Variants in DPH6 observed in about 807,000 individuals in gnomAD.
DPH6 encodes the protein diphthamine biosynthesis 6, also known as diphthine--ammonia ligase.
A neutral mutation model predicts 38.2 loss-of-function variants in DPH6; 33 were observed. That is an observed-to-expected ratio of 0.86 (90% CI 0.65 to 1.15). The LOEUF (loss-of-function observed/expected upper bound fraction) is 1.15. Ranked by LOEUF, DPH6 falls within the 50% of genes most tolerant of loss-of-function variation. The pLI, the probability that DPH6 is intolerant of heterozygous loss-of-function variation, is 0.00. For missense variants in DPH6, 325 were observed against 320.0 expected (o/e 1.02, Z -0.12); for synonymous variants, 108 against 103.0 (o/e 1.05, Z -0.30).
At chr15:35,492,231 G>A (rs1186265444) in intron 3 of DPH6, among the ~76,000 whole-genome samples, 1 of 152,020 alleles carries the variant, frequency 6.6e-6, no homozygotes, top group Non-Finnish European at 1.5e-5. Context: ...CACATTGCGG[G>A]GAGGGCAATG....
intron 7 of DPH6, 106 bp downstream of exon 7, chr15:35,381,716 G>T: frequency 1.2e-6 from 1 of 806,534 alleles, no homozygotes; most frequent in Non-Finnish European, 2.1e-6. Context: ...GAACTTAGAA[G>T]ACATGTTCTA....
chr15:35,237,553 C>T (rs1041943342), intron 3 of DPH6: 2 of 1,552,150 alleles, frequency 1.3e-6, no homozygotes, highest in African/African-American at 2.7e-5. Context: ...ATAACAGAGT[C>T]TCGGGGGGCG....
rs973577921 is a variant in DPH6 at position 35,434,167 on chromosome 15, G to A, written c.505+16518C>T. Among the ~76,000 whole-genome samples, 8 of 152,076 alleles carry A rather than the reference G, an allele frequency of 5.3e-5. No individual in the cohort carries two copies. The South Asian group carries it at 8.3e-4, about 16-fold the overall frequency. On this transcript the variant is annotated intron_variant, in intron 5 of 8. Coordinates refer to ENST00000256538, the MANE Select transcript of DPH6 (RefSeq NM_080650.4). ...GGCCAGTTTGAGTCAAAGGTCAGTC[G>A]TTTCTATCTCTGGGAGGTAAGGATA... is the stretch of plus-strand genomic sequence containing the variant.
At chr15:35,489,547 A>T in intron 3 of DPH6, 1 of 983,220 alleles carries the variant, frequency 1.0e-6, no homozygotes, top group Non-Finnish European at 1.2e-6. Context: ...GGATGAGTCT[A>T]TATCTTTCTC....
At chr15:35,538,488 A>T in intron 2 of DPH6, 21 bp from the exon 3 acceptor site, 2 of 1,462,444 alleles carry the variant, frequency 1.4e-6, no homozygotes. Flanking sequence ...TAAAATGGAA[A>T]TAATTAGCAA....
chr15:35,521,824 G>T, intron 3 of DPH6: 1 of 1,267,700 alleles, frequency 7.9e-7, no homozygotes, highest in East Asian at 3.0e-5. Context: ...TAATAGCAGT[G>T]CTCCTAAAGG....
At chr15:35,399,298 T>C (rs1012737553) in intron 6 of DPH6, among the ~76,000 whole-genome samples, 3 of 151,670 alleles carry the variant, frequency 2.0e-5, no homozygotes, top group African/African-American at 7.3e-5. Flanking sequence ...CTTTTAAACA[T>C]TAAAAATGAC....
chr15:35,221,216 G>A (rs1468868025), intron 3 of DPH6, among the ~76,000 whole-genome samples: 2 of 152,192 alleles, frequency 1.3e-5, no homozygotes, highest in Non-Finnish European at 2.9e-5. Flanking sequence ...CACCCCTATG[G>A]CTTTGCTGGG....
intron 3 of DPH6, among the ~76,000 whole-genome samples, chr15:35,468,311 A>C (rs906849271): frequency 1.3e-5 from 2 of 152,216 alleles, no homozygotes; most frequent in African/African-American, 4.8e-5. Context: ...TCTCAATAAT[A>C]AATGAGATGT....
the DPH6 span, among the ~76,000 whole-genome samples, chr15:35,145,456 A>G: frequency 6.6e-6 from 1 of 152,232 alleles, no homozygotes; most frequent in Non-Finnish European, 1.5e-5. Context: ...ATATGAAAGT[A>G]CTGCTTGGGA....
intron 3 of DPH6, among the ~76,000 whole-genome samples, chr15:35,234,454 C>A (rs1406780399): frequency 1.3e-5 from 2 of 152,178 alleles, no homozygotes; most frequent in Non-Finnish European, 1.5e-5. Flanking sequence ...CAAACATTAC[C>A]ATGTCTACAG....
At chr15:35,190,188 A>T in the DPH6 span, among the ~76,000 whole-genome samples, 1 of 152,222 alleles carries the variant, frequency 6.6e-6, no homozygotes, top group Admixed American at 6.5e-5. Context: ...CTTAAGGCAG[A>T]TAAGGGAAGA....
chr15:35,341,725 G>T (rs2052423003), intron 3 of DPH6, among the ~76,000 whole-genome samples: 1 of 152,200 alleles, frequency 6.6e-6, no homozygotes, highest in South Asian at 2.1e-4. Flanking sequence ...AAAGCTGTCA[G>T]CCTGCTCCTT....
the DPH6 span, among the ~76,000 whole-genome samples, chr15:35,185,507 G>A: frequency 6.6e-6 from 1 of 152,090 alleles, no homozygotes; most frequent in Non-Finnish European, 1.5e-5. Flanking sequence ...AGAACAGCCT[G>A]GTATGTAGCT....
chr15:35,220,816 A>G (rs1379358122), intron 3 of DPH6, among the ~76,000 whole-genome samples: 1 of 152,140 alleles, frequency 6.6e-6, no homozygotes, highest in Non-Finnish European at 1.5e-5. Context: ...AGTATTGAAA[A>G]AAAAATTTTT....
At chr15:35,245,223 T>C (rs532983975) in intron 3 of DPH6, among the ~76,000 whole-genome samples, 3 of 148,520 alleles carry the variant, frequency 2.0e-5, no homozygotes, top group East Asian at 2.0e-4. Context: ...TTCTGGGTCA[T>C]TGTTCTTGCT....
the DPH6 span, among the ~76,000 whole-genome samples, chr15:35,161,260 C>T: frequency 6.6e-6 from 1 of 151,906 alleles, no homozygotes; most frequent in East Asian, 1.9e-4. Flanking sequence ...AGTCTCCTTA[C>T]TGAATCCGCC....
intron 6 of DPH6, among the ~76,000 whole-genome samples, chr15:35,392,652 GT>G (rs1398005493): frequency 1.3e-5 from 2 of 152,184 alleles, no homozygotes; most frequent in African/African-American, 4.8e-5. Flanking sequence ...TTATTGTCTT[GT>G]ATAGACCAAA....
At chr15:35,286,498 A>G (rs1490370531) in intron 3 of DPH6, among the ~76,000 whole-genome samples, 1 of 152,242 alleles carries the variant, frequency 6.6e-6, no homozygotes, top group African/African-American at 2.4e-5. Flanking sequence ...AATAGGCAAC[A>G]TAAGCAGTAG....
Sources: allele counts gnomAD v4.1 joint callset (sites outside exome capture counted in the v4.1 genomes callset), GRCh38; gene constraint gnomAD v4.1.1; transcripts MANE v1.5; gene names NCBI Gene and HGNC (gene_info 2026-07-23, HGNC 2026-07-21).